Variants in GHR observed in about 807,000 individuals in gnomAD.
GHR encodes the protein GH receptor.
In GHR, 35 loss-of-function variants were observed where a neutral mutation model predicts 67.1. The ratio of observed to expected loss-of-function variants is 0.52; its 90% CI spans 0.40 to 0.69. The LOEUF is 0.69. Among genes scored for constraint, GHR ranks in the 30% least tolerant of loss-of-function variants. The pLI, the probability that GHR is intolerant of heterozygous loss-of-function variation, is 0.00. For synonymous variants in GHR, 272 were observed against 269.1 expected (o/e 1.01, Z -0.10); for missense variants, 792 against 764.6 (o/e 1.04, Z -0.42).
chr5:42,697,417 G>A (rs2111722724), intron 5 of GHR, among the ~76,000 whole-genome samples: 1 of 152,348 alleles, frequency 6.6e-6, no homozygotes. Context: ...TATAGGAAAG[G>A]AGAATAGGAG....
chr5:42,451,709 A>AC (rs1194979467), intron 1 of GHR, among the ~76,000 whole-genome samples: 3 of 151,850 alleles, frequency 2.0e-5, no homozygotes, highest in Admixed American at 1.3e-4. Context: ...TGTCAAAAAA[A>AC]AAAAAAAAAA....
intron 1 of GHR, among the ~76,000 whole-genome samples, chr5:42,448,598 T>C (rs1257725418): frequency 6.7e-6 from 1 of 149,166 alleles, no homozygotes; most frequent in Non-Finnish European, 1.5e-5. Context: ...TTATTATTAT[T>C]ATTATTATTA....
chr5:42,448,431 T>G (rs1466142693), intron 1 of GHR, among the ~76,000 whole-genome samples: 1 of 152,076 alleles, frequency 6.6e-6, no homozygotes, highest in Non-Finnish European at 1.5e-5. Context: ...TGCCCACTTT[T>G]TGATGGGATT....
At chr5:42,576,124 AAAATAAAATAAAATAAAAT>A (rs1750715238) in intron 2 of GHR, among the ~76,000 whole-genome samples, 1 of 87,722 alleles carries the variant, frequency 1.1e-5, no homozygotes, top group African/African-American at 5.5e-5. Flanking sequence ...AAAATAAAAT[AAAATAAAATAAAATAAAAT>A]AGTAAAGTAA....
intron 3 of GHR, among the ~76,000 whole-genome samples, chr5:42,662,735 A>C (rs1177434186): frequency 6.6e-6 from 1 of 152,204 alleles, no homozygotes; most frequent in African/African-American, 2.4e-5. Flanking sequence ...AGCTAGGAGA[A>C]GGCAAGAAAT....
intron 2 of GHR, among the ~76,000 whole-genome samples, chr5:42,608,837 A>G (rs1248732723): frequency 2.0e-5 from 3 of 152,272 alleles, no homozygotes; most frequent in South Asian, 2.1e-4. Flanking sequence ...CTGCCCAAGT[A>G]TACAAAGCAA....
chr5:42,508,496 TAGTG>T (rs928775210), intron 1 of GHR, among the ~76,000 whole-genome samples: 85 of 152,294 alleles, frequency 5.6e-4, no homozygotes, highest in African/African-American at 1.8e-3. Flanking sequence ...TTATTATAAA[TAGTG>T]AGACCTGAGA....
chr5:42,556,068 C>A (rs1179101205), intron 1 of GHR, among the ~76,000 whole-genome samples: 1 of 152,054 alleles, frequency 6.6e-6, no homozygotes, highest in East Asian at 1.9e-4. Flanking sequence ...CTCTTGGTTT[C>A]CCAACTTGTT....
In GHR at chr5:42,688,977, G is replaced by C; in HGVS notation, c.224G>C (p.Gly75Ala). 6.2e-7 allele frequency: 1 copy of C among 1,613,036 alleles called. No individual in the cohort carries two copies. The highest frequency in any genetic ancestry group is 8.5e-7 in the Non-Finnish European group (1 of 1,179,044). Residue 75 changes from glycine (G) to alanine (A), a missense_variant, in exon 4 of 10, where the codon GGT (glycine) becomes GCT (alanine). Physicochemically the swap from Gly to Ala is moderately conservative, Grantham distance 60 (BLOSUM62 0). Transcript: ENST00000230882. Reference sequence around the variant, plus strand: ...CACTGGACAGATGAGGTTCATCATGGTACAAAGAACCTAGGACCCATACAG... The same window carrying C: ...CACTGGACAGATGAGGTTCATCATGCTACAAAGAACCTAGGACCCATACAG... ...SCHWTDEVHH[G>A]TKNLGPIQLF...
intron 1 of GHR, among the ~76,000 whole-genome samples, chr5:42,496,631 G>C (rs1299489967): frequency 6.6e-6 from 1 of 152,124 alleles, no homozygotes; most frequent in Non-Finnish European, 1.5e-5. Flanking sequence ...AGCTGTTAAA[G>C]GACAGATTGT....
chr5:42,680,526 C>T (rs1315359812), intron 3 of GHR, among the ~76,000 whole-genome samples: 2 of 149,236 alleles, frequency 1.3e-5, no homozygotes, highest in African/African-American at 2.5e-5. Context: ...TTTTTTTAGA[C>T]AGAGTCTCAC....
chr5:42,608,488 A>G (rs962742670), intron 2 of GHR, among the ~76,000 whole-genome samples: 1 of 152,142 alleles, frequency 6.6e-6, no homozygotes, highest in Non-Finnish European at 1.5e-5. Context: ...TTTTTAGGGC[A>G]GTAGATTATA....
chr5:42,474,329 G>GAAAGAAAGAAAGAAAGA (rs1252314518), intron 1 of GHR, among the ~76,000 whole-genome samples: 1 of 146,422 alleles, frequency 6.8e-6, no homozygotes, highest in Non-Finnish European at 1.5e-5. Flanking sequence ...AAGAAAGAAA[G>GAAAGAAAGAAAGAAAGA]AAAGAAAGAA....
intron 1 of GHR, among the ~76,000 whole-genome samples, chr5:42,428,078 T>C (rs1274181032): frequency 6.6e-6 from 1 of 152,226 alleles, no homozygotes; most frequent in Non-Finnish European, 1.5e-5. Context: ...CCACATTTCT[T>C]TTCCTCATTG....
At chr5:42,493,868 G>GT (rs1303758474) in intron 1 of GHR, among the ~76,000 whole-genome samples, 1 of 152,098 alleles carries the variant, frequency 6.6e-6, no homozygotes, top group Non-Finnish European at 1.5e-5. Context: ...CTCCATTACA[G>GT]TTTTTTGGCT....
At position 42,662,701 on chromosome 5, in the gene GHR, A is replaced by C. The variant is rs562816347; in HGVS notation, c.137-26189A>C. 3.9e-5 allele frequency among the ~76,000 whole-genome samples: 6 copies of C among 152,204 alleles called. No individual in the cohort carries two copies. The South Asian group carries it at 1.2e-3, about 32-fold the overall frequency. ...TAACATCACAATTAAAAGAACTAGA[A>C]AAGCAAGAGCAAACACATTCAAAAG... On this transcript the variant is annotated intron_variant, in intron 3 of 9. Coordinates refer to ENST00000230882, the MANE Select transcript of GHR (RefSeq NM_000163.5).
At chr5:42,524,164 G>GT (rs1168642429) in intron 1 of GHR, among the ~76,000 whole-genome samples, 11 of 152,206 alleles carry the variant, frequency 7.2e-5, no homozygotes, top group African/African-American at 2.7e-4. Flanking sequence ...GTTTGGAAGA[G>GT]TTTGGAGGGC....
intron 2 of GHR, among the ~76,000 whole-genome samples, chr5:42,620,309 A>T (rs908879460): frequency 2.0e-5 from 3 of 152,156 alleles, no homozygotes; most frequent in Non-Finnish European, 2.9e-5. Context: ...ACATTTTTTG[A>T]AAGTTAAATA....
intron 2 of GHR, among the ~76,000 whole-genome samples, chr5:42,617,944 A>G (rs1753248765): frequency 6.6e-6 from 1 of 152,116 alleles, no homozygotes. Flanking sequence ...CACTTTAAAC[A>G]ATGTTGTGTG....
Sources: gnomAD v4.1 joint callset for allele counts (sites outside exome capture counted in the v4.1 genomes callset) on GRCh38, gnomAD v4.1.1 for gene constraint, MANE v1.5 for transcripts, NCBI Gene and HGNC (gene_info 2026-07-23, HGNC 2026-07-21) for gene names.